Variants in VAMP7 observed in about 807,000 individuals in gnomAD.
The protein encoded by VAMP7 is vesicle associated membrane protein 7.
Under a neutral mutation model 29.6 loss-of-function variants are expected in VAMP7, and 14 were observed. The observed-to-expected ratio is 0.47, with a 90% CI of 0.31 to 0.74. The LOEUF is 0.74. Ranked by LOEUF, VAMP7 falls within the 30% of genes least tolerant of loss-of-function variation. The pLI is 0.05. For synonymous variants in VAMP7, 95 were observed against 88.1 expected (o/e 1.08, Z -0.44); for missense variants, 223 against 262.4 (o/e 0.85, Z 1.04).
At chrX:155,923,141 T>A (rs1360342694) in intron 6 of VAMP7, among the ~76,000 whole-genome samples, 6 of 152,024 alleles carry the variant, frequency 3.9e-5, no homozygotes, top group Admixed American at 1.3e-4. Context: ...TATTTACACA[T>A]GTATTAAAAA....
At chrX:155,934,776 A>C (rs2066621417) in intron 6 of VAMP7, among the ~76,000 whole-genome samples, 1 of 152,036 alleles carries the variant, frequency 6.6e-6, no homozygotes, top group African/African-American at 2.4e-5. Flanking sequence ...TCGTTAGTTG[A>C]TGCAGTTTCT....
At chrX:155,897,118 CA>C (rs979563948) in intron 3 of VAMP7, among the ~76,000 whole-genome samples, 3 of 151,806 alleles carry the variant, frequency 2.0e-5, no homozygotes, top group African/African-American at 7.3e-5. Context: ...TGATGGTATA[CA>C]AAAAAAGATT....
intron 5 of VAMP7, among the ~76,000 whole-genome samples, chrX:155,918,051 C>T (rs913845555): frequency 3.9e-5 from 6 of 152,088 alleles, no homozygotes; most frequent in Admixed American, 6.6e-5. Flanking sequence ...AGGGACTTTG[C>T]GGAGCTGCGG....
intron 6 of VAMP7, among the ~76,000 whole-genome samples, chrX:155,923,050 C>T (rs899481023): frequency 6.6e-6 from 1 of 151,950 alleles, no homozygotes; most frequent in African/African-American, 2.4e-5. Context: ...CATTTTTCCA[C>T]TTCATGAATA....
chrX:155,919,714 A>T lies in VAMP7; in HGVS notation c.434-99A>T. On this transcript the variant is annotated intron_variant, in intron 5 of 7. Transcript: ENST00000286448. ...TGAAGCATGCCTGTCCTTTGGCCCC[A>T]GGACAGTGTATTCATTAAGTTATAT... 4.7e-6 allele frequency: 5 copies of T among 1,060,764 alleles called. No homozygotes were observed. In the South Asian group the frequency reaches 5.5e-5, roughly 12 times the overall value. The allele number at this position is 1,060,764 out of a possible 1,614,324, so 65.7% of individuals were successfully genotyped here.
At chrX:155,922,194 T>A (rs2066406098) in intron 6 of VAMP7, among the ~76,000 whole-genome samples, 1 of 152,068 alleles carries the variant, frequency 6.6e-6, no homozygotes, top group South Asian at 2.1e-4. Context: ...CAGTTCTGGT[T>A]ACTGTTTTGT....
chrX:155,884,590 T>C (rs1248338837), intron 1 of VAMP7, among the ~76,000 whole-genome samples: 1 of 152,226 alleles, frequency 6.6e-6, no homozygotes, highest in East Asian at 1.9e-4. Context: ...AGCCAGATAC[T>C]TCTAAGATGT....
intron 5 of VAMP7, among the ~76,000 whole-genome samples, chrX:155,915,975 A>G (rs1306340568): frequency 6.6e-6 from 1 of 152,108 alleles, no homozygotes; most frequent in African/African-American, 2.4e-5. Context: ...TCCTACTATT[A>G]TTGTGTGGGA....
At chrX:155,906,590 A>G (rs907676364) in intron 5 of VAMP7, among the ~76,000 whole-genome samples, 4 of 152,000 alleles carry the variant, frequency 2.6e-5, no homozygotes, top group African/African-American at 9.7e-5. Context: ...TTGTAAATGG[A>G]ATTTTTCTCT....
At chrX:155,935,192 C>T (rs1489502652) in intron 6 of VAMP7, among the ~76,000 whole-genome samples, 3 of 152,048 alleles carry the variant, frequency 2.0e-5, no homozygotes, top group Non-Finnish European at 4.4e-5. Context: ...AGTTGCTCTT[C>T]TCGAGGAGTA....
chrX:155,911,412 G>A (rs960418585), intron 5 of VAMP7, among the ~76,000 whole-genome samples: 1 of 152,036 alleles, frequency 6.6e-6, no homozygotes, highest in African/African-American at 2.4e-5. Context: ...TTTTGCTCAG[G>A]ATTGCTTTGG....
chrX:155,922,882 C>A (rs1418833139), intron 6 of VAMP7, among the ~76,000 whole-genome samples: 2 of 151,958 alleles, frequency 1.3e-5, no homozygotes, highest in African/African-American at 2.4e-5. Context: ...ACCATCTAGT[C>A]TTTGTTCCCT....
In VAMP7 at chrX:155,942,559, CTAA is replaced by C. The variant is rs1426938722; in HGVS notation, c.*611_*613del. The stretch of plus-strand genomic sequence containing the variant: ...AGCACACAGAATTATCCTTGTCCTC[CTAA>C]TATTGACTTTCAGGAATAAAGTTCA... On this transcript the variant is annotated 3_prime_UTR_variant, in exon 8 of 8. Coordinates refer to ENST00000286448, the MANE Select transcript of VAMP7 (RefSeq NM_005638.6). The C allele has an allele frequency of 5.4e-6, 1 of 184,578 alleles. No individual in the cohort carries two copies. The highest frequency in any genetic ancestry group is 1.1e-5 in the Non-Finnish European group (1 of 87,322). The allele number at this position is 184,578 out of a possible 1,614,324, so 11.4% of individuals were successfully genotyped here. A position where few individuals can be genotyped will look rare whatever the true frequency, so the allele number is the denominator to read the frequency against.
In VAMP7 at chrX:155,889,159, G is replaced by A. The variant is rs373188718; in HGVS notation, c.-9-299G>A. Among the ~76,000 whole-genome samples the A allele has an allele frequency of 2.9e-3, 435 of 152,042 alleles. 1 individual carries two copies. Among genetic ancestry groups the A allele is most frequent in the African/African-American group, 0.01 (417 of 41,482 alleles). On this transcript the variant is annotated intron_variant, in intron 1 of 7. Transcript: ENST00000286448. ...ATCTATAGTCATTGCTTTTCAAAAG[G>A]GTGATATCTGTTTGTGCTATAATAA...
chrX:155,910,330 C>A (rs956508508), intron 5 of VAMP7, among the ~76,000 whole-genome samples: 12 of 152,126 alleles, frequency 7.9e-5, no homozygotes. Flanking sequence ...TGTTTATAAA[C>A]CACATTTTCT....
At chrX:155,937,319 A>G (rs1374580830) in intron 6 of VAMP7, among the ~76,000 whole-genome samples, 4 of 152,190 alleles carry the variant, frequency 2.6e-5, no homozygotes, top group Non-Finnish European at 4.4e-5. Context: ...TGTAAGATGA[A>G]TAAGTTCTGG....
intron 5 of VAMP7, among the ~76,000 whole-genome samples, chrX:155,903,432 G>A (rs2066098485): frequency 6.6e-6 from 1 of 151,910 alleles, no homozygotes; most frequent in Non-Finnish European, 1.5e-5. Flanking sequence ...TACAAAATAG[G>A]AGAAAATTTT....
chrX:155,898,000 C>T (rs1004888929), intron 3 of VAMP7, 112 bp from the exon 4 acceptor site: 7 of 1,349,858 alleles, frequency 5.2e-6, no homozygotes, highest in Admixed American at 4.4e-5. Context: ...CTAGTTCCTC[C>T]TCAGATAATC....
chrX:155,911,110 G>A (rs2066231134), intron 5 of VAMP7, among the ~76,000 whole-genome samples: 1 of 152,026 alleles, frequency 6.6e-6, no homozygotes, highest in South Asian at 2.1e-4. Flanking sequence ...GTTGATTTTT[G>A]TATGTGATGA....
Sources: allele counts gnomAD v4.1 joint callset (sites outside exome capture counted in the v4.1 genomes callset), GRCh38; gene constraint gnomAD v4.1.1; transcripts MANE v1.5; gene names NCBI Gene and HGNC (gene_info 2026-07-23, HGNC 2026-07-21).